Variants in ANAPC10 observed in about 807,000 individuals in gnomAD.
ANAPC10 encodes the protein anaphase-promoting complex subunit 10.
A neutral mutation model predicts 22.0 loss-of-function variants in ANAPC10; 12 were observed. That is an observed-to-expected ratio of 0.55 (90% CI 0.35 to 0.88). The LOEUF (loss-of-function observed/expected upper bound fraction) is 0.88, where lower values mean the gene tolerates loss of function less well. ANAPC10 is among the 40% of genes least tolerant of loss of function. The pLI is 0.01. For missense variants in ANAPC10, 188 were observed against 220.9 expected (o/e 0.85, Z 0.94); for synonymous variants, 65 against 69.5 (o/e 0.94, Z 0.32).
chr4:145,003,729 T>C (rs1349857636), intron 4 of ANAPC10, among the ~76,000 whole-genome samples: 1 of 152,244 alleles, frequency 6.6e-6, no homozygotes, highest in East Asian at 1.9e-4. Context: ...TATCATGCTG[T>C]CTTGTTAATG....
At chr4:145,061,374 C>T (rs1179215675) in intron 4 of ANAPC10, among the ~76,000 whole-genome samples, 1 of 152,008 alleles carries the variant, frequency 6.6e-6, no homozygotes, top group African/African-American at 2.4e-5. Flanking sequence ...AATACAGATA[C>T]CTAGAAATTT....
intron 4 of ANAPC10, among the ~76,000 whole-genome samples, chr4:145,008,082 G>A (rs546554298): frequency 7.6e-4 from 116 of 151,818 alleles, no homozygotes; most frequent in African/African-American, 2.4e-3. Context: ...ACTAGAAGAT[G>A]AAGAAGAAAT....
chr4:145,053,267 A>G (rs1470423881), intron 4 of ANAPC10, among the ~76,000 whole-genome samples: 1 of 152,246 alleles, frequency 6.6e-6, no homozygotes, highest in Non-Finnish European at 1.5e-5. Flanking sequence ...GATTAAATCT[A>G]AAGACTTTAG....
intron 2 of ANAPC10, among the ~76,000 whole-genome samples, chr4:145,088,203 T>A (rs918623525): frequency 7.2e-5 from 11 of 152,312 alleles, no homozygotes; most frequent in African/African-American, 2.6e-4. Flanking sequence ...TCCACTATTC[T>A]GCCAGATCTC....
At chr4:145,098,489 T>C (rs948751328), upstream of ANAPC10, 1 of 152,374 alleles carries the variant, frequency 6.6e-6, no homozygotes, top group African/African-American at 2.4e-5. Context: ...TGTAGGGACG[T>C]TCTCCGAGAG....
rs953701079 is a variant in ANAPC10, at chr4:145,081,812, A to G, written c.116-62T>C. The G allele has an allele frequency of 7.1e-6, 8 of 1,131,428 alleles. No homozygotes were observed. The African/African-American group carries it at 1.2e-4, about 18-fold the overall frequency. The allele number at this position is 1,131,428 out of a possible 1,614,324, so 70.1% of individuals were successfully genotyped here. A position where few individuals can be genotyped will look rare whatever the true frequency, so the allele number is the denominator to read the frequency against. On this transcript the variant is annotated intron_variant, in intron 2 of 4. Transcript: ENST00000507656. ...AAAGAAACAACTATACATGCAAAAC[A>G]TAAAATTAACATATGTATTTGTCCA...
intron 3 of ANAPC10, among the ~76,000 whole-genome samples, chr4:145,067,111 A>C (rs1743820085): frequency 6.6e-6 from 1 of 152,206 alleles, no homozygotes; most frequent in Non-Finnish European, 1.5e-5. Context: ...AAATAATTAA[A>C]AGGTAGAGTA....
In ANAPC10 at chr4:144,994,624, G is replaced by T. The variant is rs1306949862; in HGVS notation, c.*749C>A. ...TATAAAAAATTTCACATACTTTTAC[G>T]ATTTTATGGGATATATGACTGCCCA... On this transcript the variant is annotated 3_prime_UTR_variant, in exon 5 of 5. Coordinates refer to ENST00000507656, the MANE Select transcript of ANAPC10 (RefSeq NM_001256706.2). 4.6e-5 allele frequency: 7 copies of T among 151,784 alleles called. No individual in the cohort carries two copies. Among genetic ancestry groups the T allele is most frequent in the Non-Finnish European group, 7.4e-5 (5 of 67,904 alleles). The allele number at this position is 151,784 out of a possible 1,614,324, so 9.4% of individuals were successfully genotyped here.
At chr4:145,097,168 C>T (rs752371902) in intron 1 of ANAPC10, 6 of 272,360 alleles carry the variant, frequency 2.2e-5, no homozygotes, top group Non-Finnish European at 3.6e-5. Flanking sequence ...TGCTACTGCA[C>T]TCCAGCCTGC....
chr4:145,039,786 T>G (rs553887096), intron 4 of ANAPC10, among the ~76,000 whole-genome samples: 2 of 151,964 alleles, frequency 1.3e-5, no homozygotes, highest in Admixed American at 1.3e-4. Flanking sequence ...AGTAGAGACG[T>G]GGTTTCACCA....
chr4:145,096,142 A>G, intron 1 of ANAPC10, 31 bp from the exon 2 acceptor site: 1 of 1,598,410 alleles, frequency 6.3e-7, no homozygotes, highest in Non-Finnish European at 8.5e-7. Flanking sequence ...CACACATTGT[A>G]TCAGGAACTG....
intron 4 of ANAPC10, among the ~76,000 whole-genome samples, chr4:145,010,689 G>A (rs977343183): frequency 6.6e-6 from 1 of 152,100 alleles, no homozygotes; most frequent in East Asian, 1.9e-4. Context: ...GGGGAAAGAG[G>A]GGGAGGGATA....
intron 3 of ANAPC10, among the ~76,000 whole-genome samples, chr4:145,065,337 G>A (rs1192287757): frequency 6.6e-6 from 1 of 151,838 alleles, no homozygotes; most frequent in East Asian, 1.9e-4. Context: ...TGTGTTCAAC[G>A]TCTAATAATC....
At chr4:145,040,314 A>G (rs1032519141) in intron 4 of ANAPC10, among the ~76,000 whole-genome samples, 1 of 151,996 alleles carries the variant, frequency 6.6e-6, no homozygotes, top group Admixed American at 6.6e-5. Flanking sequence ...ACACCCAGCT[A>G]ATTTTGTATT....
At chr4:145,047,937 CATAT>C (rs1231433457) in intron 4 of ANAPC10, among the ~76,000 whole-genome samples, 1 of 152,090 alleles carries the variant, frequency 6.6e-6, no homozygotes, top group Non-Finnish European at 1.5e-5. Flanking sequence ...CCTTGCTTAT[CATAT>C]TTAGCCAGAG....
chr4:145,032,595 C>T (rs1230124044), intron 4 of ANAPC10, among the ~76,000 whole-genome samples: 1 of 152,234 alleles, frequency 6.6e-6, no homozygotes, highest in Admixed American at 6.5e-5. Flanking sequence ...CCAGCCACCA[C>T]TGTCATCGCC....
intron 4 of ANAPC10, among the ~76,000 whole-genome samples, chr4:145,011,608 G>A (rs536464754): frequency 1.3e-5 from 2 of 152,192 alleles, no homozygotes; most frequent in South Asian, 4.1e-4. Flanking sequence ...CTGGTAAAGG[G>A]CGAGAGGCTA....
intron 4 of ANAPC10, among the ~76,000 whole-genome samples, chr4:145,058,320 T>C (rs1742363155): frequency 6.6e-6 from 1 of 152,164 alleles, no homozygotes. Flanking sequence ...CCACTTGATT[T>C]TGCACCTGAA....
chr4:145,075,450 CTAGA>C (rs1745055164), intron 3 of ANAPC10, among the ~76,000 whole-genome samples: 1 of 151,798 alleles, frequency 6.6e-6, no homozygotes, highest in African/African-American at 2.4e-5. Flanking sequence ...AGATGGCCAA[CTAGA>C]TGTGGCCAGG....
Sources: gnomAD v4.1 joint callset for allele counts (sites outside exome capture counted in the v4.1 genomes callset) on GRCh38, gnomAD v4.1.1 for gene constraint, MANE v1.5 for transcripts, NCBI Gene and HGNC (gene_info 2026-07-23, HGNC 2026-07-21) for gene names.